Variants in RUNX3 observed in about 807,000 individuals in gnomAD.
RUNX3 encodes the protein RUNX family transcription factor 3.
RUNX3 carries 10 observed loss-of-function variants against 27.7 expected under a neutral mutation model. That is an observed-to-expected ratio of 0.36 (90% CI 0.22 to 0.61). The LOEUF is 0.61. Among genes scored for constraint, RUNX3 ranks in the 20% least tolerant of loss-of-function variants. The probability of loss-of-function intolerance (pLI) is 0.72; values close to 1 mark genes in which losing one functional copy is unlikely to be tolerated. For synonymous variants in RUNX3, 270 were observed against 269.2 expected, an observed-to-expected ratio of 1.00 and a Z score of -0.03; for missense variants, 469 against 629.5, an observed-to-expected ratio of 0.75 and a Z score of 2.73.
At chr1:24,955,636 G>A (rs548145065) in intron 2 of RUNX3, among the ~76,000 whole-genome samples, 16 of 152,186 alleles carry the variant, frequency 1.1e-4, no homozygotes, top group Admixed American at 2.0e-4. Flanking sequence ...GCTGAATCTC[G>A]AGGCTCTGGA....
chr1:24,930,506 G>T (rs1181727860), upstream of RUNX3, among the ~76,000 whole-genome samples: 3 of 152,090 alleles, frequency 2.0e-5, no homozygotes, highest in East Asian at 3.9e-4. The surrounding 1 kb of genome is among the most constrained non-coding windows in gnomAD (Gnocchi z 4.1). Flanking sequence ...AGCTCTGGGA[G>T]CCCGGGGCAA....
At chr1:24,924,658 C>T (rs971351897) in intron 2 of RUNX3, among the ~76,000 whole-genome samples, 2 of 152,086 alleles carry the variant, frequency 1.3e-5, no homozygotes, top group African/African-American at 2.4e-5. Context: ...GTGGCCCCAA[C>T]GTTTACATAT....
chr1:24,919,160 C>T, intron 3 of RUNX3, 80 bp downstream of exon 3: 1 of 834,562 alleles, frequency 1.2e-6, no homozygotes, highest in Non-Finnish European at 1.9e-6. Context: ...AGGGCTCCAT[C>T]TGTCTGACCT....
chr1:24,957,852 C>G (rs763165413), intron 2 of RUNX3, among the ~76,000 whole-genome samples: 36 of 152,200 alleles, frequency 2.4e-4, no homozygotes, highest in Non-Finnish European at 5.0e-4. Flanking sequence ...CGCCACACAG[C>G]GAGGAAGTGG....
Position 24,923,427 on chromosome 1 carries a change from C to T in RUNX3, c.440-4083G>A, listed in dbSNP as rs1179461765. Among the ~76,000 whole-genome samples, 1 of 152,168 alleles carries T rather than the reference C, an allele frequency of 6.6e-6. No individual in the cohort carries two copies. Among genetic ancestry groups the T allele is most frequent in the African/African-American group, 2.4e-5 (1 of 41,426 alleles). On this transcript the variant is annotated intron_variant, in intron 2 of 4. Transcript: ENST00000308873. The surrounding 1 kb of genome is among the most constrained non-coding windows in gnomAD (Gnocchi z 5.9). ...CCTCTCTCTCAGCCTCTAGATATAA[C>T]TCTGTGCAGGAGTCCCAGGCAAACC...
Position 24,929,946 on chromosome 1 carries a change from G to T in RUNX3, c.-78C>A. The stretch of plus-strand genomic sequence containing the variant: ...GGGCGGCCGGCGCGGGCGCCTCCTC[G>T]GCCGCCGCTGCCGCGAGAAGCGGGA... On this transcript the variant is annotated 5_prime_UTR_variant, in exon 1 of 5. Coordinates refer to ENST00000308873, the MANE Select transcript of RUNX3 (RefSeq NM_004350.3). The T allele has an allele frequency of 8.2e-7, 1 of 1,214,226 alleles. No homozygotes were observed. The highest frequency in any genetic ancestry group is 1.0e-6 in the Non-Finnish European group (1 of 978,356). 75.2% of individuals were successfully genotyped at this position (1,214,226 alleles called of 1,614,324 possible).
upstream of RUNX3, among the ~76,000 whole-genome samples, chr1:24,934,914 G>T (rs1641313809): frequency 6.6e-6 from 1 of 152,172 alleles, no homozygotes; most frequent in African/African-American, 2.4e-5. Flanking sequence ...CAAATCTGCA[G>T]GGAGTCAGGA....
At chr1:24,912,951 G>A (rs1355091149) in intron 3 of RUNX3, among the ~76,000 whole-genome samples, 1 of 152,148 alleles carries the variant, frequency 6.6e-6, no homozygotes, top group African/African-American at 2.4e-5. Flanking sequence ...GGGAGAGGAA[G>A]ATGAGAAGGT....
Position 24,901,032 on chromosome 1 carries a change from T to G in RUNX3, c.*1090A>C, listed in dbSNP as rs939405535. The G allele has an allele frequency of 7.0e-5, 10 of 143,142 alleles. No individual in the cohort carries two copies. Among genetic ancestry groups the G allele is most frequent in the Middle Eastern group, 3.4e-3 (1 of 290 alleles). 8.9% of individuals were successfully genotyped at this position (143,142 alleles called of 1,614,324 possible). ...AAACTGTTTTGTTTTTTTTTTGTTTTTTTGTTTTTTTTTTTTTTTTGCTCA... is the reference window on the plus strand; with the variant it reads ...AAACTGTTTTGTTTTTTTTTTGTTTGTTTGTTTTTTTTTTTTTTTTGCTCA... On this transcript the variant is annotated 3_prime_UTR_variant, in exon 5 of 5. Coordinates refer to ENST00000308873, the MANE Select transcript of RUNX3 (RefSeq NM_004350.3).
Position 24,907,412 on chromosome 1 carries a change from G to A in RUNX3, c.550C>T (p.Arg184Trp). ...VDGPREPRRH[R>W]QKLEDQTKPF... ...TTGGTCTGGTCCTCCAGCTTCTGCC[G>A]GTGCCCTGCAGAGCACAGGAAGCCC... Residue 184 changes from arginine to tryptophan, a missense_variant, in exon 4 of 5, where the codon CGG (arginine) becomes TGG (tryptophan). By Grantham distance (101) the Arg-to-Trp change is moderately radical. Coordinates refer to ENST00000308873, the MANE Select transcript of RUNX3 (RefSeq NM_004350.3). 1.2e-6 allele frequency: 2 copies of A among 1,612,718 alleles called. No individual in the cohort carries two copies. Among genetic ancestry groups the A allele is most frequent in the Non-Finnish European group, 1.7e-6 (2 of 1,179,436 alleles).
chr1:24,952,423 A>G (rs1218530932), intron 2 of RUNX3, among the ~76,000 whole-genome samples: 3 of 152,246 alleles, frequency 2.0e-5, no homozygotes, highest in African/African-American at 7.2e-5. Context: ...AAAGACTCTG[A>G]CAAGTCCTGC....
intron 2 of RUNX3, among the ~76,000 whole-genome samples, chr1:24,958,902 G>A (rs1321825294): frequency 2.0e-5 from 3 of 152,340 alleles, no homozygotes; most frequent in South Asian, 2.1e-4. Flanking sequence ...CTGGGTGGCA[G>A]ATTTGAGGAA....
intron 3 of RUNX3, among the ~76,000 whole-genome samples, chr1:24,908,989 G>A (rs1640744227): frequency 1.3e-5 from 2 of 152,170 alleles, no homozygotes; most frequent in African/African-American, 4.8e-5. Flanking sequence ...CTGGAAGCTG[G>A]GGTCAGGGGA....
intron 2 of RUNX3, among the ~76,000 whole-genome samples, chr1:24,954,671 C>A (rs1374506727): frequency 6.6e-6 from 1 of 152,248 alleles, no homozygotes; most frequent in East Asian, 1.9e-4. Flanking sequence ...CTGCTCTAAG[C>A]CTTCGCCCTT....
At chr1:24,930,872 T>C (rs1305514780), upstream of RUNX3, among the ~76,000 whole-genome samples, 4 of 152,066 alleles carry the variant, frequency 2.6e-5, no homozygotes, top group Non-Finnish European at 5.9e-5. This position sits in a 1 kb window ranked among gnomAD's most constrained non-coding sequence, Gnocchi z 4.1. Flanking sequence ...GCGGCTTTGG[T>C]CCCAGCCTCG....
intron 2 of RUNX3, among the ~76,000 whole-genome samples, chr1:24,920,597 G>T (rs1019918344): frequency 6.6e-6 from 1 of 152,100 alleles, no homozygotes; most frequent in African/African-American, 2.4e-5. Context: ...TTCCTGTGAA[G>T]GTTTTAGTGC....
intron 2 of RUNX3, among the ~76,000 whole-genome samples, chr1:24,958,382 G>A (rs1642004796): frequency 6.6e-6 from 1 of 152,208 alleles, no homozygotes. Context: ...CAGTTTTCCT[G>A]CTGCTGAATT....
chr1:24,924,192 A>G (rs1479331162), intron 2 of RUNX3, among the ~76,000 whole-genome samples: 2 of 152,140 alleles, frequency 1.3e-5, no homozygotes, highest in Non-Finnish European at 2.9e-5. Context: ...CACAGTGAAC[A>G]ACACCCCCAT....
At chr1:24,936,948 G>GA (rs1250206115) in intron 2 of RUNX3, among the ~76,000 whole-genome samples, 1 of 152,042 alleles carries the variant, frequency 6.6e-6, no homozygotes. Flanking sequence ...CCTTGGAAAA[G>GA]AAAAAAAAGT....
Sources: gnomAD v4.1 joint callset for allele counts (sites outside exome capture counted in the v4.1 genomes callset) on GRCh38, gnomAD v4.1.1 for gene constraint, Gnocchi (gnomAD v3.1) non-coding constraint, MANE v1.5 for transcripts, NCBI Gene and HGNC (gene_info 2026-07-23, HGNC 2026-07-21) for gene names.